The following NME9 variants were observed in gnomAD, a reference collection of about 807,000 sequenced individuals.
The protein encoded by NME9 is thioredoxin domain-containing protein 6.
A neutral mutation model predicts 44.4 loss-of-function variants in NME9; 48 were observed. That is an observed-to-expected ratio of 1.08 (90% confidence interval 0.86 to 1.37). NME9 has a LOEUF of 1.37. Among genes scored for constraint, NME9 ranks in the 40% most tolerant of loss-of-function variants. The pLI is 0.00. For missense variants in NME9, 325 were observed against 405.2 expected (o/e 0.80, Z 1.70); for synonymous variants, 139 against 147.1 (o/e 0.94, Z 0.40).
chr3:138,273,388 A>C (rs2048965516), intron 8 of NME9, among the ~76,000 whole-genome samples: 1 of 152,072 alleles, frequency 6.6e-6, no homozygotes, highest in African/African-American at 2.4e-5. Flanking sequence ...ACCAGTGCCT[A>C]CCTTGATTTG....
chr3:138,264,656 G>A (rs1187185860), intron 8 of NME9, among the ~76,000 whole-genome samples: 1 of 151,668 alleles, frequency 6.6e-6, no homozygotes, highest in African/African-American at 2.4e-5. Flanking sequence ...CTGACCACGT[G>A]ATCTGCCCGC....
At chr3:138,291,820 A>G (rs1275753065) in intron 8 of NME9, among the ~76,000 whole-genome samples, 4 of 152,164 alleles carry the variant, frequency 2.6e-5, no homozygotes, top group Non-Finnish European at 5.9e-5. Context: ...TGAACTTGGT[A>G]TGTTCAAGAA....
intron 5 of NME9, among the ~76,000 whole-genome samples, chr3:138,315,089 G>A (rs1025943274): frequency 2.0e-5 from 3 of 152,194 alleles, no homozygotes; most frequent in African/African-American, 7.2e-5. Context: ...GATAATGACA[G>A]ACCTTAATTT....
In NME9 at chr3:138,267,026, C is replaced by G. The variant is rs1356284155; in HGVS notation, c.746-4440G>C. 3 of 558,646 alleles carry G rather than the reference C, an allele frequency of 5.4e-6. No homozygotes were observed. The South Asian group carries it at 8.9e-5, about 16-fold the overall frequency. 34.6% of individuals were successfully genotyped at this position (558,646 alleles called of 1,614,324 possible). A position where few individuals can be genotyped will look rare whatever the true frequency, so the allele number is the denominator to read the frequency against. On this transcript the variant is annotated intron_variant, in intron 8 of 8. Transcript: ENST00000317876. ...TGACACAGTATCAAGTGGATTCTTC[C>G]TATCTCTCCAATACGAAGAATCAGG...
rs1011090786 is a variant in NME9 at position 138,270,555 on chromosome 3, A to AT, written c.746-7970dup. 1.6e-4 allele frequency among the ~76,000 whole-genome samples: 25 copies of AT among 152,184 alleles called. 1 individual carries two copies. The highest frequency in any genetic ancestry group is 1.5e-3 in the Admixed American group (23 of 15,290). On this transcript the variant is annotated intron_variant, in intron 8 of 8. Transcript: ENST00000317876. The stretch of plus-strand genomic sequence containing the variant: ...AAGTAAACTAAGGCACAGAATGATT[A>AT]TTTTTTTTAATTGGCAAATAAAAAT...
At chr3:138,327,354 C>T (rs1325827966) in intron 1 of NME9, among the ~76,000 whole-genome samples, 1 of 152,054 alleles carries the variant, frequency 6.6e-6, no homozygotes, top group African/African-American at 2.4e-5. Flanking sequence ...GGAAGGGCCC[C>T]ACACCCCTAC....
intron 8 of NME9, among the ~76,000 whole-genome samples, chr3:138,264,513 C>T (rs542052905): frequency 2.0e-4 from 30 of 148,638 alleles, no homozygotes; most frequent in African/African-American, 5.2e-4. Context: ...TCCACCTCCC[C>T]GGTTCAAGCG....
chr3:138,318,096 A>G, intron 4 of NME9, 52 bp downstream of exon 4: 1 of 1,103,632 alleles, frequency 9.1e-7, no homozygotes. Flanking sequence ...TCTATTTTGA[A>G]CTCTAATGAT....
intron 3 of NME9, among the ~76,000 whole-genome samples, chr3:138,318,465 C>G (rs762517605): frequency 2.0e-5 from 3 of 151,930 alleles, no homozygotes; most frequent in Non-Finnish European, 2.9e-5. Flanking sequence ...CTGCACCAGT[C>G]CAAGGGAGCG....
At chr3:138,277,506 A>T (rs1223544638) in intron 8 of NME9, among the ~76,000 whole-genome samples, 3 of 152,258 alleles carry the variant, frequency 2.0e-5, no homozygotes, top group Non-Finnish European at 4.4e-5. Context: ...ATATCTGACA[A>T]ATGACTTGTG....
intron 8 of NME9, 44 bp downstream of exon 8, chr3:138,305,960 G>C (rs2052223736): frequency 1.6e-6 from 2 of 1,263,322 alleles, no homozygotes; most frequent in East Asian, 2.3e-5. Context: ...GTTGGAGGAA[G>C]AGAAACGACA....
chr3:138,285,324 G>A (rs1179128427), intron 8 of NME9, among the ~76,000 whole-genome samples: 2 of 152,168 alleles, frequency 1.3e-5, no homozygotes, highest in Non-Finnish European at 2.9e-5. Context: ...AAATCCTTCA[G>A]TGGCTCCTTG....
intron 8 of NME9, among the ~76,000 whole-genome samples, chr3:138,275,057 A>G (rs2049146161): frequency 6.6e-6 from 1 of 152,198 alleles, no homozygotes. Context: ...GTATTAAAGT[A>G]CGAAGCTGTG....
intron 8 of NME9, among the ~76,000 whole-genome samples, chr3:138,285,078 T>C (rs2050277016): frequency 6.6e-6 from 1 of 152,186 alleles, no homozygotes; most frequent in Non-Finnish European, 1.5e-5. Context: ...GTCACACCTA[T>C]CTGTCTTCTC....
chr3:138,280,694 A>G lies in NME9; in HGVS notation c.746-18108T>C, dbSNP rs2049817041. 2.6e-5 allele frequency among the ~76,000 whole-genome samples: 4 copies of G among 151,634 alleles called. No individual in the cohort carries two copies. In the South Asian group the frequency reaches 6.2e-4, roughly 24 times the overall value. ...TTTTTAGTAGAGACAGGGTTTCACC[A>G]TGTTGGCCAAGCTGGTCTTGAACTC... On this transcript the variant is annotated intron_variant, in intron 8 of 8. Coordinates refer to the NME9 transcript ENST00000317876.
chr3:138,301,577 C>G lies in NME9; in HGVS notation c.*63G>C. ...GTACTCAAAAGAGTAAGTTCCGATT[C>G]CGGAGGTCTGTTTTGTGCAGTAGAC... On this transcript the variant is annotated 3_prime_UTR_variant, in exon 11 of 11. Transcript: ENST00000333911. 1 of 1,525,500 alleles carries G rather than the reference C, an allele frequency of 6.6e-7. No individual in the cohort carries two copies. Among genetic ancestry groups the G allele is most frequent in the South Asian group, 1.2e-5 (1 of 82,540 alleles). 94.5% of individuals were successfully genotyped at this position (1,525,500 alleles called of 1,614,324 possible).
chr3:138,273,007 T>C, intron 8 of NME9: 2 of 1,606,588 alleles, frequency 1.2e-6, no homozygotes, highest in Non-Finnish European at 1.7e-6. Flanking sequence ...AAAGCAGATA[T>C]TTTACGAAGC....
downstream of NME9, among the ~76,000 whole-genome samples, chr3:138,299,527 A>G (rs571052257): frequency 2.0e-5 from 3 of 152,076 alleles, no homozygotes; most frequent in East Asian, 5.8e-4. Flanking sequence ...GAGTGGGCTG[A>G]TATTTGAGCC....
In NME9 at chr3:138,303,241, A is replaced by G. The variant is rs536010456; in HGVS notation, c.928+266T>C. The G allele has an allele frequency of 1.3e-4, 44 of 347,922 alleles. 1 individual carries two copies. The Middle Eastern group carries it at 2.5e-3, about 20-fold the overall frequency. 21.6% of individuals were successfully genotyped at this position (347,922 alleles called of 1,614,324 possible). ...TTCCACAGGGAAATGCAAATAAAGTACTTTTTGTAACAAAAATATGACTCC... is the reference window on the plus strand; with the variant it reads ...TTCCACAGGGAAATGCAAATAAAGTGCTTTTTGTAACAAAAATATGACTCC... On this transcript the variant is annotated intron_variant, in intron 10 of 10. Transcript: ENST00000333911.
Sources: allele counts gnomAD v4.1 joint callset (sites outside exome capture counted in the v4.1 genomes callset), GRCh38; gene constraint gnomAD v4.1.1; transcripts MANE v1.5; gene names NCBI Gene and HGNC (gene_info 2026-07-23, HGNC 2026-07-21).